Variants in CRABP1 observed in about 807,000 individuals in gnomAD.
CRABP1 encodes cellular retinoic acid-binding protein 1.
Under a neutral mutation model 16.4 loss-of-function variants are expected in CRABP1, and 9 were observed. The observed-to-expected ratio is 0.55, with a 90% CI of 0.33 to 0.96. CRABP1 has a LOEUF of 0.96. Ranked by LOEUF, CRABP1 falls within the 40% of genes least tolerant of loss-of-function variation. The probability of loss-of-function intolerance (pLI) is 0.03; values close to 1 mark genes in which losing one functional copy is unlikely to be tolerated. For synonymous variants in CRABP1, 72 were observed against 70.4 expected, an observed-to-expected ratio of 1.02 and a Z score of -0.11; for missense variants, 157 against 186.0, an observed-to-expected ratio of 0.84 and a Z score of 0.91.
intron 2 of CRABP1, among the ~76,000 whole-genome samples, chr15:78,343,090 G>A (rs2050243901): frequency 6.6e-6 from 1 of 151,920 alleles, no homozygotes; most frequent in Admixed American, 6.6e-5. Flanking sequence ...ACTCCAGCCT[G>A]GGCAACAGAG....
At chr15:78,344,259 G>A (rs1208281314) in intron 3 of CRABP1, among the ~76,000 whole-genome samples, 1 of 152,136 alleles carries the variant, frequency 6.6e-6, no homozygotes, top group Non-Finnish European at 1.5e-5. Flanking sequence ...TTGCAAGTTT[G>A]AGACCAGCCT....
intron 1 of CRABP1, 52 bp from the exon 2 acceptor site, chr15:78,340,991 C>G: frequency 1.3e-6 from 2 of 1,564,516 alleles, no homozygotes; most frequent in East Asian, 2.3e-5. Flanking sequence ...CGACCGGTCC[C>G]GAGACTGGCG....
chr15:78,342,640 A>T (rs1472845141), intron 2 of CRABP1, among the ~76,000 whole-genome samples: 1 of 152,116 alleles, frequency 6.6e-6, no homozygotes, highest in African/African-American at 2.4e-5. Flanking sequence ...TGCTTTTTAA[A>T]TTTTTTCTAA....
rs1192511283 is a variant in CRABP1, at chr15:78,341,340, T to C, written c.249+119T>C. The C allele has an allele frequency of 8.6e-7, 1 of 1,165,060 alleles. No individual in the cohort carries two copies. The highest frequency in any genetic ancestry group is 1.3e-6 in the Non-Finnish European group (1 of 796,926). 72.2% of individuals were successfully genotyped at this position (1,165,060 alleles called of 1,614,324 possible). On this transcript the variant is annotated intron_variant, in intron 2 of 3. Transcript: ENST00000299529. This position sits in a 1 kb window ranked among gnomAD's most constrained non-coding sequence, Gnocchi z 5.3. The stretch of plus-strand genomic sequence containing the variant: ...TGTGGCGCGCCTTCCTTGCAGGGTG[T>C]GTACACTGGCTGTTTGCAGAGGGGG...
rs892180707 is a variant in CRABP1, at chr15:78,340,570, C to A, written c.70+72C>A. ...AGGTGCCCTGGTCCCGGAAGTGCCC[C>A]GGTCCTGGAGGGGGTGGAAGTTGGG... On this transcript the variant is annotated intron_variant, in intron 1 of 3. Coordinates refer to ENST00000299529, the MANE Select transcript of CRABP1 (RefSeq NM_004378.3). The A allele has an allele frequency of 1.1e-5, 17 of 1,540,950 alleles. 1 individual carries two copies. In the Admixed American group the frequency reaches 1.1e-4, roughly 10 times the overall value.
At chr15:78,340,925 G>C in intron 1 of CRABP1, 118 bp from the exon 2 acceptor site, 1 of 1,058,908 alleles carries the variant, frequency 9.4e-7, no homozygotes, top group Middle Eastern at 3.2e-4. Flanking sequence ...CGAGGGCAGG[G>C]AAACGAGTGG....
chr15:78,341,473 C>T lies in CRABP1; in HGVS notation c.249+252C>T, dbSNP rs1021075388. On this transcript the variant is annotated intron_variant, in intron 2 of 3. Coordinates refer to ENST00000299529, the MANE Select transcript of CRABP1 (RefSeq NM_004378.3). This position sits in a 1 kb window ranked among gnomAD's most constrained non-coding sequence, Gnocchi z 5.3. ...GGTGCTAACAGCCGCGCTTAAAGAGCGGGCTCTGGGTTGCGCCGCGTTCCC... is the reference window on the plus strand; with the variant it reads ...GGTGCTAACAGCCGCGCTTAAAGAGTGGGCTCTGGGTTGCGCCGCGTTCCC... The T allele has an allele frequency of 2.8e-5, 14 of 493,666 alleles. No homozygotes were observed. Among genetic ancestry groups the T allele is most frequent in the Non-Finnish European group, 4.1e-5 (11 of 267,104 alleles). 30.6% of individuals were successfully genotyped at this position (493,666 alleles called of 1,614,324 possible).
intron 3 of CRABP1, 175 bp from the exon 4 acceptor site, chr15:78,347,752 G>T (rs974417630): frequency 1.3e-5 from 8 of 628,034 alleles, no homozygotes; most frequent in Non-Finnish European, 2.3e-5. Flanking sequence ...TACCAATAGC[G>T]CTTAAGGGGG....
At chr15:78,343,723 G>A in intron 3 of CRABP1, 111 bp downstream of exon 3, 1 of 729,048 alleles carries the variant, frequency 1.4e-6, no homozygotes, top group Non-Finnish European at 2.3e-6. Context: ...GACACCATTT[G>A]CCCTGGATTA....
In CRABP1 at chr15:78,348,224, A is replaced by G. The variant is rs974231523; in HGVS notation, c.*247A>G. 1.5e-5 allele frequency: 8 copies of G among 532,936 alleles called. No homozygotes were observed. Among genetic ancestry groups the G allele is most frequent in the Non-Finnish European group, 2.7e-5 (8 of 301,830 alleles). The allele number at this position is 532,936 out of a possible 1,614,324, so 33.0% of individuals were successfully genotyped here. On this transcript the variant is annotated 3_prime_UTR_variant, in exon 4 of 4. Coordinates refer to ENST00000299529, the MANE Select transcript of CRABP1 (RefSeq NM_004378.3). ...TCATTAAACTGGTTAGACGTGTCTC[A>G]ACCTTTTCCCTTTTTTGGTTTGCCT...
chr15:78,343,381 G>C, intron 2 of CRABP1, 118 bp from the exon 3 acceptor site: 1 of 773,912 alleles, frequency 1.3e-6, no homozygotes, highest in South Asian at 1.8e-5. Context: ...TCTGTGGCCT[G>C]CTGACAGGGA....
intron 1 of CRABP1, 102 bp downstream of exon 1, chr15:78,340,600 C>A: frequency 2.2e-6 from 3 of 1,382,944 alleles, no homozygotes; most frequent in South Asian, 1.3e-5. Flanking sequence ...GTTGGGGAGC[C>A]CAGGCAGGAG....
At chr15:78,343,781 A>G (rs2050249253) in intron 3 of CRABP1, among the ~76,000 whole-genome samples, 169 bp downstream of exon 3, 2 of 152,346 alleles carry the variant, frequency 1.3e-5, no homozygotes, top group Admixed American at 1.3e-4. Flanking sequence ...AGAGGAAATC[A>G]TTGTTAAATG....
rs1424294867 is a variant in CRABP1 at position 78,341,228 on chromosome 15, C to A, written c.249+7C>A. 1.2e-6 allele frequency: 2 copies of A among 1,605,392 alleles called. No individual in the cohort carries two copies. Among genetic ancestry groups the A allele is most frequent in the South Asian group, 1.1e-5 (1 of 89,386 alleles). ...GGACGGACGCAAGTGCAGGGTGAGG[C>A]CCCAGAGCCACTACAGCGTCCCCGT... is the stretch of plus-strand genomic sequence containing the variant. On this transcript the variant is annotated splice_region_variant and intron_variant, in intron 2 of 3. Transcript: ENST00000299529. The surrounding 1 kb of genome is among the most constrained non-coding windows in gnomAD (Gnocchi z 5.3).
intron 3 of CRABP1, among the ~76,000 whole-genome samples, chr15:78,345,271 A>G (rs2050259186): frequency 6.6e-6 from 1 of 152,164 alleles, no homozygotes; most frequent in South Asian, 2.1e-4. Context: ...AGAAGACCCT[A>G]AATTGAGCTA....
chr15:78,347,172 G>A (rs1186902476), intron 3 of CRABP1, among the ~76,000 whole-genome samples: 3 of 152,028 alleles, frequency 2.0e-5, no homozygotes, highest in Admixed American at 6.6e-5. Flanking sequence ...GCAATGATTC[G>A]TGTCCTCCCT....
chr15:78,343,629 C>T lies in CRABP1; in HGVS notation c.363+17C>T, dbSNP rs1395701429. 1.2e-6 allele frequency: 2 copies of T among 1,607,724 alleles called. No individual in the cohort carries two copies. Among genetic ancestry groups the T allele is most frequent in the South Asian group, 1.1e-5 (1 of 90,808 alleles). ...CTTATCCTGGTAGGGAACCCTTGAC[C>T]CTGAAATAATCCTGAAGTTCCCCCA... On this transcript the variant is annotated intron_variant, in intron 3 of 3. Transcript: ENST00000299529.
At chr15:78,342,942 T>A (rs1039056110) in intron 2 of CRABP1, among the ~76,000 whole-genome samples, 2 of 152,042 alleles carry the variant, frequency 1.3e-5, no homozygotes, top group African/African-American at 2.4e-5. Flanking sequence ...TGAAACCCCA[T>A]CTGTACTAAA....
intron 3 of CRABP1, among the ~76,000 whole-genome samples, chr15:78,344,321 G>T (rs1483643290): frequency 6.6e-6 from 1 of 152,130 alleles, no homozygotes; most frequent in Non-Finnish European, 1.5e-5. Context: ...TTAGCCGGGC[G>T]TGGTGGCATA....
Sources: allele counts gnomAD v4.1 joint callset (sites outside exome capture counted in the v4.1 genomes callset), GRCh38; gene constraint gnomAD v4.1.1; non-coding constraint Gnocchi (gnomAD v3.1); transcripts MANE v1.5; gene names NCBI Gene and HGNC (gene_info 2026-07-23, HGNC 2026-07-21).